The following AARS2 variants were observed in gnomAD, a reference collection of about 807,000 sequenced individuals.
AARS2 encodes alanine--tRNA ligase, mitochondrial.
AARS2 carries 78 observed loss-of-function variants against 119.7 expected under a neutral mutation model. The ratio of observed to expected loss-of-function variants is 0.65; its 90% confidence interval spans 0.54 to 0.79. AARS2 has a LOEUF of 0.79. Among genes scored for constraint, AARS2 ranks in the 30% least tolerant of loss-of-function variants. The pLI is 0.00. For missense variants in AARS2, 1,157 were observed against 1,291.3 expected, an observed-to-expected ratio of 0.90 and a Z score of 1.59; for synonymous variants, 502 against 526.3, an observed-to-expected ratio of 0.95 and a Z score of 0.63.
Position 44,307,473 on chromosome 6 carries a change from G to A in AARS2, c.895-79C>T, listed in dbSNP as rs1187051807. ...GCTCTTTATCGCCTCTAGAGCATCT[G>A]CCCTCAGCCCTAAAGCCAACCACAT... On this transcript the variant is annotated intron_variant, in intron 5 of 21. Coordinates refer to ENST00000244571, the MANE Select transcript of AARS2 (RefSeq NM_020745.4). This position sits in a 1 kb window ranked among gnomAD's most constrained non-coding sequence, Gnocchi z 4.4. 4 of 1,522,804 alleles carry A rather than the reference G, an allele frequency of 2.6e-6. No individual in the cohort carries two copies. The Admixed American group carries it at 5.9e-5, about 22-fold the overall frequency. The allele number at this position is 1,522,804 out of a possible 1,614,324, so 94.3% of individuals were successfully genotyped here.
chr6:44,299,476 G>A lies in AARS2; in HGVS notation c.*1071C>T, dbSNP rs1785186342. On this transcript the variant is annotated 3_prime_UTR_variant, in exon 22 of 22. Coordinates refer to ENST00000244571, the MANE Select transcript of AARS2 (RefSeq NM_020745.4). ...AGACAGGGTCTTGCTGTTTGCGCAGGCTGGTCTTGCACTTCTGGCCTCAAG... is the reference window on the plus strand; with the variant it reads ...AGACAGGGTCTTGCTGTTTGCGCAGACTGGTCTTGCACTTCTGGCCTCAAG... Among the ~76,000 whole-genome samples, 1 of 151,546 alleles carries A rather than the reference G, an allele frequency of 6.6e-6. No homozygotes were observed.
rs1259014688 is a variant in AARS2, at chr6:44,301,362, C to T, written c.2682+19G>A. ...GCCCTCCCCAGACCCTGGGGCAGCCCGGCTTGGCTAGCACTCACTGAGAGA... is the reference window on the plus strand; with the variant it reads ...GCCCTCCCCAGACCCTGGGGCAGCCTGGCTTGGCTAGCACTCACTGAGAGA... On this transcript the variant is annotated intron_variant, in intron 20 of 21. Coordinates refer to ENST00000244571, the MANE Select transcript of AARS2 (RefSeq NM_020745.4). The T allele has an allele frequency of 4.3e-6, 7 of 1,613,894 alleles. No homozygotes were observed. The highest frequency in any genetic ancestry group is 2.2e-5 in the East Asian group (1 of 44,872).
chr6:44,300,270 C>T lies in AARS2; in HGVS notation c.*277G>A, dbSNP rs1197445728. On this transcript the variant is annotated 3_prime_UTR_variant, in exon 22 of 22. Transcript: ENST00000244571. Reference sequence around the variant, plus strand: ...CTTGGATTACAGGTGTGAACCACCACACCCGGCCAGTGAAATAATTTCTAA... The same window carrying T: ...CTTGGATTACAGGTGTGAACCACCATACCCGGCCAGTGAAATAATTTCTAA... The T allele has an allele frequency of 2.6e-5, 13 of 505,778 alleles. No homozygotes were observed. Among genetic ancestry groups the T allele is most frequent in the Non-Finnish European group, 4.0e-5 (11 of 278,270 alleles). The allele number at this position is 505,778 out of a possible 1,614,324, so 31.3% of individuals were successfully genotyped here.
intron 1 of AARS2, 98 bp downstream of exon 1, chr6:44,312,983 C>A (rs879802523): frequency 1.3e-4 from 209 of 1,553,148 alleles, no homozygotes; most frequent in Non-Finnish European, 1.8e-4. Context: ...CCAAAAGCTA[C>A]GAACTCCGCC....
At chr6:44,310,511 G>A (rs1005012583) in intron 4 of AARS2, 68 bp from the exon 5 acceptor site, 2 of 1,595,112 alleles carry the variant, frequency 1.3e-6, no homozygotes, top group Admixed American at 1.7e-5. Context: ...ATGCCCAAGT[G>A]GAGTAGAGAA....
At chr6:44,309,981 A>C (rs377652386) in intron 5 of AARS2, among the ~76,000 whole-genome samples, 2 of 152,122 alleles carry the variant, frequency 1.3e-5, no homozygotes, top group Non-Finnish European at 2.9e-5. Flanking sequence ...TTGATTGTCT[A>C]TCTCTCATGC....
In AARS2 at chr6:44,299,434, CTTTTTTT is replaced by C. The variant is rs112521684; in HGVS notation, c.*1106_*1112del. ...CTGGGAGGCTGAGGCATAAAGATTA[CTTTTTTT>C]TTTTTTTGTAGACAGGGTCTTGCTG... is the stretch of plus-strand genomic sequence containing the variant. On this transcript the variant is annotated 3_prime_UTR_variant, in exon 22 of 22. Coordinates refer to ENST00000244571, the MANE Select transcript of AARS2 (RefSeq NM_020745.4). 8.3e-5 allele frequency among the ~76,000 whole-genome samples: 12 copies of C among 144,506 alleles called. No individual in the cohort carries two copies. Among genetic ancestry groups the C allele is most frequent in the Admixed American group, 6.3e-4 (9 of 14,396 alleles). 94.8% of individuals were successfully genotyped at this position (144,506 alleles called of 152,430 possible).
chr6:44,301,842 T>C (rs1785383613), intron 19 of AARS2, among the ~76,000 whole-genome samples: 1 of 152,166 alleles, frequency 6.6e-6, no homozygotes, highest in African/African-American at 2.4e-5. Context: ...CCGGGGGTTC[T>C]GAGCCAGACT....
Position 44,301,005 on chromosome 6 carries a change from A to G in AARS2, c.2793+151T>C, listed in dbSNP as rs144018599. 1.4e-3 allele frequency: 1,113 copies of G among 806,728 alleles called. 18 individuals carry two copies. The East Asian group carries it at 0.028, about 20-fold the overall frequency. 50.0% of individuals were successfully genotyped at this position (806,728 alleles called of 1,614,324 possible). On this transcript the variant is annotated intron_variant, in intron 21 of 21. Transcript: ENST00000244571. The stretch of plus-strand genomic sequence containing the variant: ...GTGGGGAGGGGCTGTTTTCAGGAAC[A>G]AGGAGATTCCCCATCCCTGTCCTGG...
chr6:44,306,678 T>G, intron 7 of AARS2, 146 bp from the exon 8 acceptor site: 1 of 1,087,836 alleles, frequency 9.2e-7, no homozygotes. Context: ...GGAACTGGTT[T>G]CCCTGTAGGG....
chr6:44,308,597 TTTTA>T (rs1017400823), intron 5 of AARS2, among the ~76,000 whole-genome samples: 4 of 151,770 alleles, frequency 2.6e-5, no homozygotes, highest in African/African-American at 7.2e-5. Flanking sequence ...TGATGTACAC[TTTTA>T]TTTATTTATT....
At chr6:44,309,186 T>C (rs1005453953) in intron 5 of AARS2, among the ~76,000 whole-genome samples, 2 of 152,210 alleles carry the variant, frequency 1.3e-5, no homozygotes, top group African/African-American at 4.8e-5. Context: ...TCTTGGAACC[T>C]TGCTGAGCTG....
At chr6:44,310,794 T>C (rs1786282193) in intron 4 of AARS2, among the ~76,000 whole-genome samples, 200 bp downstream of exon 4, 2 of 152,242 alleles carry the variant, frequency 1.3e-5, no homozygotes. Context: ...CAACAGAGAA[T>C]AGCAGTGACT....
At position 44,305,814 on chromosome 6, in the gene AARS2, G is replaced by A. The variant is rs1785795358; in HGVS notation, c.1301-28C>T. ...TTGAGAAAGAAAGACAAAGAATGTT[G>A]AGGAGGGGAGGGATTAGACAAAGAA... is the stretch of plus-strand genomic sequence containing the variant. On this transcript the variant is annotated intron_variant, in intron 9 of 21. Transcript: ENST00000244571. This position sits in a 1 kb window ranked among gnomAD's most constrained non-coding sequence, Gnocchi z 4.6. 1 of 1,613,266 alleles carries A rather than the reference G, an allele frequency of 6.2e-7. No individual in the cohort carries two copies. The highest frequency in any genetic ancestry group is 2.2e-5 in the East Asian group (1 of 44,858).
chr6:44,300,808 G>T, intron 21 of AARS2, 97 bp from the exon 22 acceptor site: 2 of 1,465,440 alleles, frequency 1.4e-6, no homozygotes, highest in Non-Finnish European at 1.9e-6. Flanking sequence ...GGTCATCAGT[G>T]CCCCCTTCCC....
chr6:44,300,869 C>G (rs547194934), intron 21 of AARS2, 158 bp from the exon 22 acceptor site: 1 of 981,736 alleles, frequency 1.0e-6, no homozygotes, highest in South Asian at 1.4e-5. Flanking sequence ...AAGGTTTGGG[C>G]TGGAAATGTG....
In AARS2 at chr6:44,311,306, A is replaced by C. The variant is rs1035375525; in HGVS notation, c.581+84T>G. On this transcript the variant is annotated intron_variant, in intron 3 of 21. Transcript: ENST00000244571. ...CACAATATCCTGGAATGAAATGCTAAGACTCTGAGGATTGGTGCTGGTAGT... is the reference window on the plus strand; with the variant it reads ...CACAATATCCTGGAATGAAATGCTACGACTCTGAGGATTGGTGCTGGTAGT... The C allele has an allele frequency of 1.1e-5, 17 of 1,607,888 alleles. No individual in the cohort carries two copies. In the Admixed American group the frequency reaches 2.2e-4, roughly 20 times the overall value.
In AARS2 at chr6:44,303,174, A is replaced by G. The variant is rs373451730; in HGVS notation, c.2147T>C (p.Val716Ala). ...TACCACCCGCACAGGGTCTGGGTAA[A>G]CCTGAGGTCAAGAGGGGACAGGCCC... ...QVPGLRSLDE[V>A]YPDPVRVVSV... is the part of the protein sequence containing the mutation. Residue 716 changes from valine (V) to alanine (A), a missense_variant and splice_region_variant, in exon 16 of 22, where the codon GTT (valine) becomes GCT (alanine). Val to Ala is a moderately conservative substitution (Grantham distance 64). Transcript: ENST00000244571. 2 of 1,614,042 alleles carry G rather than the reference A, an allele frequency of 1.2e-6. No individual in the cohort carries two copies. Among genetic ancestry groups the G allele is most frequent in the African/African-American group, 2.7e-5 (2 of 74,932 alleles).
Position 44,307,086 on chromosome 6 carries a change from T to G in AARS2, c.1041-55A>C. ...CCCCAGCGGCTCATGGTCAGCAATA[T>G]GGGGAGTGGGAAGGACGAGGTCCAG... On this transcript the variant is annotated intron_variant, in intron 6 of 21. Transcript: ENST00000244571. The surrounding 1 kb of genome is among the most constrained non-coding windows in gnomAD (Gnocchi z 4.4). 1 of 1,604,546 alleles carries G rather than the reference T, an allele frequency of 6.2e-7. No individual in the cohort carries two copies. Among genetic ancestry groups the G allele is most frequent in the Non-Finnish European group, 8.5e-7 (1 of 1,172,418 alleles).
Sources: gnomAD v4.1 joint callset for allele counts (sites outside exome capture counted in the v4.1 genomes callset) on GRCh38, gnomAD v4.1.1 for gene constraint, Gnocchi (gnomAD v3.1) non-coding constraint, MANE v1.5 for transcripts, NCBI Gene and HGNC (gene_info 2026-07-23, HGNC 2026-07-21) for gene names.